EYS: variants seen among roughly 807,000 people sequenced by gnomAD.
The protein encoded by EYS is EGF-like photoreceptor maintenance factor.
EYS carries 250 observed loss-of-function variants against 282.1 expected under a neutral mutation model. The ratio of observed to expected loss-of-function variants is 0.89; its 90% confidence interval spans 0.80 to 0.98. The LOEUF (loss-of-function observed/expected upper bound fraction) is 0.98, where lower values mean the gene tolerates loss of function less well. Ranked by LOEUF, EYS falls within the 50% of genes least tolerant of loss-of-function variation. The pLI is 0.00. For missense variants in EYS, 4,016 were observed against 3,709.0 expected (o/e 1.08, Z -2.15); for synonymous variants, 1,355 against 1,282.9 (o/e 1.06, Z -1.20).
chr6:64,552,934 C>A (rs1177139427), intron 26 of EYS, among the ~76,000 whole-genome samples: 1 of 145,482 alleles, frequency 6.9e-6, no homozygotes, highest in Non-Finnish European at 1.5e-5. Flanking sequence ...CCCCCTCCCC[C>A]CCAAAAAAAG....
At position 64,193,439 on chromosome 6, in the gene EYS, T is replaced by C. The variant is rs141512577; in HGVS notation, c.6424+37153A>G. ...CATTCTCCTGCCTCAGCCTCCCCAG[T>C]AGCTGAGACTACGGGAGCCTGCCAC... On this transcript the variant is annotated intron_variant, in intron 31 of 42. Transcript: ENST00000503581. 9.6e-3 allele frequency among the ~76,000 whole-genome samples: 1,463 copies of C among 152,112 alleles called. 24 individuals are homozygous for C. The highest frequency in any genetic ancestry group is 0.033 in the African/African-American group (1,366 of 41,490).
At chr6:64,367,000 C>T (rs1179008955) in intron 29 of EYS, among the ~76,000 whole-genome samples, 1 of 152,056 alleles carries the variant, frequency 6.6e-6, no homozygotes, top group Non-Finnish European at 1.5e-5. Context: ...AACTGTTTCT[C>T]ATCCTCATTC....
At chr6:65,661,956 G>A (rs1442202663) in intron 1 of EYS, among the ~76,000 whole-genome samples, 3 of 152,102 alleles carry the variant, frequency 2.0e-5, no homozygotes, top group Non-Finnish European at 2.9e-5. Flanking sequence ...GGAGAGGCAA[G>A]AAGGAGGTTA....
chr6:64,971,475 A>T (rs1005765897), intron 14 of EYS, among the ~76,000 whole-genome samples: 5 of 152,198 alleles, frequency 3.3e-5, no homozygotes, highest in Admixed American at 2.6e-4. Flanking sequence ...GGGAAAAAAA[A>T]TAAACAGCTT....
intron 35 of EYS, among the ~76,000 whole-genome samples, chr6:63,931,568 C>A (rs1260865876): frequency 6.6e-6 from 1 of 152,128 alleles, no homozygotes; most frequent in African/African-American, 2.4e-5. Flanking sequence ...ATGGTTCAAC[C>A]CTGAGCTCTA....
At chr6:65,478,665 C>T (rs550151877) in intron 5 of EYS, among the ~76,000 whole-genome samples, 1 of 152,194 alleles carries the variant, frequency 6.6e-6, no homozygotes, top group South Asian at 2.1e-4. Context: ...GATCTTTATG[C>T]CTAATTATAC....
intron 39 of EYS, among the ~76,000 whole-genome samples, chr6:63,786,476 T>A (rs775874325): frequency 6.6e-6 from 1 of 150,644 alleles, no homozygotes; most frequent in African/African-American, 2.4e-5. Flanking sequence ...TAAGTGGGAG[T>A]TGAACAATGA....
At chr6:65,508,384 G>A (rs1766737093) in intron 2 of EYS, among the ~76,000 whole-genome samples, 1 of 151,984 alleles carries the variant, frequency 6.6e-6, no homozygotes, top group South Asian at 2.1e-4. Flanking sequence ...CTTAAGAAAT[G>A]TTTCTTCTGC....
intron 28 of EYS, among the ~76,000 whole-genome samples, chr6:64,427,255 T>C (rs1774439933): frequency 6.6e-6 from 1 of 152,188 alleles, no homozygotes; most frequent in African/African-American, 2.4e-5. Flanking sequence ...TCATTTTTAT[T>C]GACATGCAGT....
intron 33 of EYS, among the ~76,000 whole-genome samples, chr6:64,001,771 T>G (rs1029036023): frequency 6.6e-6 from 1 of 152,194 alleles, no homozygotes; most frequent in East Asian, 1.9e-4. Flanking sequence ...TAATTTACAT[T>G]ACATAATATA....
rs191159270 is a variant in EYS, at chr6:65,438,916, T to C, written c.863-33549A>G. 4.2e-4 allele frequency among the ~76,000 whole-genome samples: 64 copies of C among 152,308 alleles called. 1 individual carries two copies. In the East Asian group the frequency reaches 0.011, roughly 27 times the overall value. ...ACCATTGCTTTTGGTGATTTAGACA[T>C]GAAGTCCTTGTCCATGCCTATGTCC... On this transcript the variant is annotated intron_variant, in intron 5 of 42. Coordinates refer to ENST00000503581, the MANE Select transcript of EYS (RefSeq NM_001142800.2).
intron 33 of EYS, among the ~76,000 whole-genome samples, chr6:64,006,247 T>C (rs990779973): frequency 6.6e-6 from 1 of 152,144 alleles, no homozygotes; most frequent in African/African-American, 2.4e-5. Context: ...TAGGATTGCA[T>C]TATTGATTTG....
chr6:63,806,152 G>T (rs1562035029), intron 37 of EYS, 38 bp downstream of exon 37: 1 of 1,499,010 alleles, frequency 6.7e-7, no homozygotes, highest in Non-Finnish European at 9.0e-7. Context: ...TATTCTTAAA[G>T]GAGCGAGGCA....
At chr6:64,110,311 A>G (rs1773164877) in intron 31 of EYS, among the ~76,000 whole-genome samples, 1 of 151,918 alleles carries the variant, frequency 6.6e-6, no homozygotes, top group Non-Finnish European at 1.5e-5. Context: ...GTATGTATGT[A>G]TAACTTAGAC....
chr6:64,558,501 T>C (rs1235097195), intron 26 of EYS, among the ~76,000 whole-genome samples: 1 of 151,968 alleles, frequency 6.6e-6, no homozygotes, highest in African/African-American at 2.4e-5. Flanking sequence ...CCTATAGAGA[T>C]ATGGTAAAAC....
At chr6:64,228,134 T>C (rs1394588820) in intron 31 of EYS, among the ~76,000 whole-genome samples, 4 of 152,142 alleles carry the variant, frequency 2.6e-5, no homozygotes, top group Non-Finnish European at 1.5e-5. Flanking sequence ...GTATGGATTC[T>C]AAGGCACACA....
At chr6:65,434,850 C>T (rs919928617) in intron 5 of EYS, among the ~76,000 whole-genome samples, 4 of 151,928 alleles carry the variant, frequency 2.6e-5, no homozygotes, top group Non-Finnish European at 5.9e-5. Flanking sequence ...TCTGTGAAGA[C>T]CTGTTTGTCT....
intron 29 of EYS, among the ~76,000 whole-genome samples, chr6:64,333,670 G>A (rs1170473181): frequency 1.3e-5 from 2 of 152,032 alleles, no homozygotes; most frequent in Non-Finnish European, 2.9e-5. Flanking sequence ...CTAGGACTTG[G>A]TATTCCTCTG....
intron 15 of EYS, among the ~76,000 whole-genome samples, chr6:64,922,833 T>G (rs997210902): frequency 2.6e-5 from 4 of 152,118 alleles, no homozygotes; most frequent in Non-Finnish European, 4.4e-5. Flanking sequence ...GTCATCTGGG[T>G]CTCCTGGAAC....
Sources: allele counts gnomAD v4.1 joint callset (sites outside exome capture counted in the v4.1 genomes callset), GRCh38; gene constraint gnomAD v4.1.1; transcripts MANE v1.5; gene names NCBI Gene and HGNC (gene_info 2026-07-23, HGNC 2026-07-21).